Variants in TENM2 observed in about 807,000 individuals in gnomAD.
TENM2 encodes teneurin transmembrane protein 2.
In TENM2, 52 loss-of-function variants were observed where a neutral mutation model predicts 245.2. The observed-to-expected ratio is 0.21, with a 90% CI of 0.17 to 0.27. The LOEUF (loss-of-function observed/expected upper bound fraction) is 0.27, where lower values mean the gene tolerates loss of function less well. TENM2 is among the 10% of genes least tolerant of loss of function. TENM2 has a pLI of 1.00. For missense variants in TENM2, 3,046 were observed against 3,666.8 expected (o/e 0.83, Z 4.37); for synonymous variants, 1,363 against 1,438.9 (o/e 0.95, Z 1.19).
chr5:166,996,329 T>C, the TENM2 span, among the ~76,000 whole-genome samples: 4 of 151,990 alleles, frequency 2.6e-5, no homozygotes, highest in Non-Finnish European at 4.4e-5. Context: ...GGCGACAGAG[T>C]GAGACTCCGT....
rs138934226 is a variant in TENM2 at position 167,608,497 on chromosome 5, A to G, written c.502+233024A>G. Among the ~76,000 whole-genome samples, 1,219 of 152,338 alleles carry G rather than the reference A, an allele frequency of 8.0e-3. 18 individuals carry two copies. The highest frequency in any genetic ancestry group is 0.028 in the African/African-American group (1,152 of 41,590). On this transcript the variant is annotated intron_variant, in intron 2 of 28. Transcript: ENST00000518659. ...AAGATGACAGAGTGCTTCCCTTCCC[A>G]GGTCTGACAGCATTGCTATCACAGC...
chr5:168,031,169 G>T (rs1787112909), intron 5 of TENM2, among the ~76,000 whole-genome samples: 1 of 152,168 alleles, frequency 6.6e-6, no homozygotes, highest in East Asian at 1.9e-4. Context: ...AGTGCAGTGA[G>T]GTGGAAGTGA....
intron 1 of TENM2, among the ~76,000 whole-genome samples, chr5:167,334,453 C>T (rs895186796): frequency 6.6e-6 from 1 of 152,174 alleles, no homozygotes; most frequent in African/African-American, 2.4e-5. Context: ...TAAGTAACAT[C>T]GACACTAGCT....
intron 11 of TENM2, among the ~76,000 whole-genome samples, chr5:168,125,641 C>G (rs1439542293): frequency 6.6e-6 from 1 of 152,102 alleles, no homozygotes; most frequent in African/African-American, 2.4e-5. Context: ...CATTCCGCCC[C>G]CTTCCTCTGG....
At chr5:167,383,739 A>C (rs970187164) in intron 2 of TENM2, among the ~76,000 whole-genome samples, 2 of 152,064 alleles carry the variant, frequency 1.3e-5, no homozygotes, top group East Asian at 1.9e-4. Flanking sequence ...AAAAAAAAAA[A>C]AAAAAAAAAA....
chr5:167,214,023 C>T, the TENM2 span, among the ~76,000 whole-genome samples: 1 of 152,144 alleles, frequency 6.6e-6, no homozygotes, highest in Non-Finnish European at 1.5e-5. Context: ...AAAACATCAG[C>T]AAAGGGATAC....
chr5:168,199,307 C>A (rs866709618), intron 16 of TENM2, among the ~76,000 whole-genome samples, 193 bp downstream of exon 18: 4 of 152,214 alleles, frequency 2.6e-5, no homozygotes, highest in African/African-American at 9.6e-5. Context: ...TGCAGATAGT[C>A]GTTCAAGACT....
the TENM2 span, among the ~76,000 whole-genome samples, chr5:167,020,612 CTG>C: frequency 6.6e-6 from 1 of 152,182 alleles, no homozygotes; most frequent in African/African-American, 2.4e-5. Flanking sequence ...AAAGCCTTCT[CTG>C]TGCAACTGAT....
intron 1 of TENM2, among the ~76,000 whole-genome samples, chr5:167,297,844 T>A (rs1025434314): frequency 6.6e-6 from 1 of 151,918 alleles, no homozygotes; most frequent in Non-Finnish European, 1.5e-5. Flanking sequence ...CACAGGGTGT[T>A]CAGTAGGGGA....
intron 3 of TENM2, among the ~76,000 whole-genome samples, chr5:167,919,096 A>G (rs1026098702): frequency 2.0e-5 from 3 of 152,108 alleles, no homozygotes; most frequent in Non-Finnish European, 2.9e-5. Context: ...GGGGCCTCTC[A>G]TATTACGTTT....
intron 2 of TENM2, among the ~76,000 whole-genome samples, chr5:167,776,593 GAAAAAAA>G (rs869252752): frequency 3.1e-4 from 11 of 36,026 alleles, no homozygotes; most frequent in South Asian, 1.7e-3. Context: ...GACCCTGTCT[GAAAAAAA>G]AAAAAAAAAA....
rs189187162 is a variant in TENM2, at chr5:167,815,733, T to C, written c.503-60253T>C. Reference sequence around the variant, plus strand: ...AAACATTGACTGTGATCTTTTTTCTTGGAAAAGGGTGGGAGAGTCAGGGGG... The same window carrying C: ...AAACATTGACTGTGATCTTTTTTCTCGGAAAAGGGTGGGAGAGTCAGGGGG... On this transcript the variant is annotated intron_variant, in intron 2 of 28. Transcript: ENST00000518659. Among the ~76,000 whole-genome samples, 95 of 152,024 alleles carry C rather than the reference T, an allele frequency of 6.2e-4. 1 individual carries two copies. In the East Asian group the frequency reaches 0.018, roughly 29 times the overall value.
At chr5:167,076,422 A>C in the TENM2 span, among the ~76,000 whole-genome samples, 1 of 152,220 alleles carries the variant, frequency 6.6e-6, no homozygotes, top group Non-Finnish European at 1.5e-5. Flanking sequence ...AGCTACACAA[A>C]GCACATATTT....
At chr5:167,030,960 C>G in the TENM2 span, among the ~76,000 whole-genome samples, 1 of 152,240 alleles carries the variant, frequency 6.6e-6, no homozygotes, top group East Asian at 1.9e-4. Flanking sequence ...CCTGCGGGCT[C>G]TGCATCAGAA....
intron 2 of TENM2, among the ~76,000 whole-genome samples, chr5:167,827,639 G>GGGA (rs1768097588): frequency 1.8e-5 from 2 of 109,936 alleles, no homozygotes; most frequent in South Asian, 3.8e-4. Context: ...GGGGGGGGGG[G>GGGA]AACAGTTTAA....
intron 2 of TENM2, among the ~76,000 whole-genome samples, chr5:167,455,225 G>A (rs1021777744): frequency 2.0e-5 from 3 of 152,098 alleles, no homozygotes; most frequent in African/African-American, 4.8e-5. Context: ...CTTGTTCACC[G>A]AGTGAACACT....
At chr5:167,759,772 T>G (rs987768606) in intron 2 of TENM2, among the ~76,000 whole-genome samples, 8 of 152,092 alleles carry the variant, frequency 5.3e-5, no homozygotes, top group Non-Finnish European at 1.0e-4. Context: ...AATCTATTGT[T>G]GAGAGATACA....
At chr5:168,121,559 A>G (rs2569052) in intron 10 of TENM2, among the ~76,000 whole-genome samples, 41,896 of 152,128 alleles carry the variant, frequency 0.28, 6,204 homozygotes, top group Admixed American at 0.46. Flanking sequence ...ATGGCATTCT[A>G]GTACCGGCGC....
intron 2 of TENM2, among the ~76,000 whole-genome samples, chr5:167,389,646 C>A (rs534278680): frequency 1.3e-4 from 20 of 152,068 alleles, no homozygotes; most frequent in Non-Finnish European, 1.8e-4. Flanking sequence ...CTGTGGACAT[C>A]CCTGACTGTT....
Sources: gnomAD v4.1 joint callset for allele counts (sites outside exome capture counted in the v4.1 genomes callset) on GRCh38, gnomAD v4.1.1 for gene constraint, MANE v1.5 for transcripts, NCBI Gene and HGNC (gene_info 2026-07-23, HGNC 2026-07-21) for gene names.